Variants in MYH14 observed in about 807,000 individuals in gnomAD.
MYH14 encodes myosin heavy chain 14, also known as myosin-14.
Under a neutral mutation model 255.5 loss-of-function variants are expected in MYH14, and 123 were observed. That is an observed-to-expected ratio of 0.48 (90% CI 0.42 to 0.56). The LOEUF (loss-of-function observed/expected upper bound fraction) is 0.56, where lower values mean the gene tolerates loss of function less well. MYH14 is among the 20% of genes least tolerant of loss of function. The pLI is 0.00. For synonymous variants in MYH14, 1,095 were observed against 1,161.2 expected (o/e 0.94, Z 1.16); for missense variants, 2,423 against 2,802.3 (o/e 0.86, Z 3.06).
chr19:50,269,291 C>T (rs560936212), intron 24 of MYH14, among the ~76,000 whole-genome samples: 5 of 152,298 alleles, frequency 3.3e-5, no homozygotes, highest in Non-Finnish European at 7.4e-5. Flanking sequence ...ATTCTCCTGC[C>T]TCAGCCTCTA....
rs538214333 is a variant in MYH14, at chr19:50,239,742, G to A, written c.1115-4500G>A. ...TTTTTTGTATTTTTAGTAGAGACAA[G>A]GTTTCACTGTGTTAGCCAGGATGGT... On this transcript the variant is annotated intron_variant, in intron 10 of 42. Transcript: ENST00000642316. Among the ~76,000 whole-genome samples the A allele has an allele frequency of 4.9e-4, 74 of 152,206 alleles. 1 individual carries two copies. In the South Asian group the frequency reaches 0.014, roughly 29 times the overall value.
intron 2 of MYH14, among the ~76,000 whole-genome samples, chr19:50,212,229 C>T (rs2032236291): frequency 6.6e-6 from 1 of 152,154 alleles, no homozygotes; most frequent in South Asian, 2.1e-4. Flanking sequence ...GTCGAGCTCT[C>T]TGGGGCTGTG....
chr19:50,217,387 A>G (rs1355390830), intron 2 of MYH14, among the ~76,000 whole-genome samples: 5 of 152,210 alleles, frequency 3.3e-5, no homozygotes, highest in Admixed American at 2.6e-4. Flanking sequence ...GTTCTCTCTC[A>G]GGACAAATCC....
chr19:50,208,443 CAAACAAA>C (rs2031957368), intron 1 of MYH14, among the ~76,000 whole-genome samples: 1 of 148,530 alleles, frequency 6.7e-6, no homozygotes, highest in Non-Finnish European at 1.5e-5. Context: ...AACAAACAAA[CAAACAAA>C]CAAACAAAAA....
intron 16 of MYH14, among the ~76,000 whole-genome samples, chr19:50,254,818 C>T (rs900639634): frequency 8.5e-5 from 13 of 152,180 alleles, no homozygotes; most frequent in Admixed American, 3.3e-4. Flanking sequence ...CAGGGAAAAA[C>T]GGAAATGAGA....
At chr19:50,284,618 C>G (rs1240585179) in intron 33 of MYH14, 1 of 151,640 alleles carries the variant, frequency 6.6e-6, no homozygotes, top group Non-Finnish European at 1.5e-5. Flanking sequence ...TCTCAAACTC[C>G]TGACCTTGTG....
intron 11 of MYH14, among the ~76,000 whole-genome samples, chr19:50,245,451 AAG>A (rs1270082731): frequency 6.7e-6 from 1 of 148,736 alleles, no homozygotes. Flanking sequence ...AAGAAAGAAA[AAG>A]AAGAAGAAAG....
intron 2 of MYH14, 96 bp downstream of exon 2, chr19:50,210,866 G>GT: frequency 6.7e-7 from 1 of 1,499,586 alleles, no homozygotes; most frequent in Non-Finnish European, 8.9e-7. Flanking sequence ...ACTTGAGGCT[G>GT]TTTATCATCT....
intron 6 of MYH14, among the ~76,000 whole-genome samples, chr19:50,224,408 TC>T (rs1329453936): frequency 3.9e-5 from 6 of 152,142 alleles, no homozygotes; most frequent in Admixed American, 3.3e-4. Context: ...TTACTGCTGA[TC>T]TACTAAATGT....
chr19:50,210,737 C>T lies in MYH14; in HGVS notation c.372C>T (p.Asn124=), dbSNP rs1293133314. 18 of 1,580,250 alleles carry T rather than the reference C, an allele frequency of 1.1e-5. No homozygotes were observed. The highest frequency in any genetic ancestry group is 1.5e-5 in the Non-Finnish European group (18 of 1,164,036). Residue 124 remains asparagine (N), a synonymous_variant, in exon 2 of 43, where the codon AAC becomes AAT. Transcript: ENST00000642316. Reference sequence around the variant, plus strand: ...TCAACGAGGCCTCGGTCCTGCACAACCTCCGGGAGCGGTACTACTCCGGCC... The same window carrying T: ...TCAACGAGGCCTCGGTCCTGCACAATCTCCGGGAGCGGTACTACTCCGGCC... The part of the protein sequence containing the change: ...TCLNEASVLH[N]LRERYYSGLI...
At chr19:50,296,896 G>C (rs2123465709) in intron 39 of MYH14, among the ~76,000 whole-genome samples, 1 of 152,254 alleles carries the variant, frequency 6.6e-6, no homozygotes, top group Non-Finnish European at 1.5e-5. Flanking sequence ...ATATTAATTA[G>C]TTGCTGTGTT....
intron 3 of MYH14, among the ~76,000 whole-genome samples, chr19:50,220,391 AT>A (rs2032757537): frequency 6.8e-6 from 1 of 147,774 alleles, no homozygotes; most frequent in African/African-American, 2.5e-5. Context: ...CTTCATTTTT[AT>A]TTTATTATAC....
intron 39 of MYH14, among the ~76,000 whole-genome samples, chr19:50,298,172 G>A (rs1399657007): frequency 6.6e-6 from 1 of 152,148 alleles, no homozygotes; most frequent in Non-Finnish European, 1.5e-5. Flanking sequence ...TCTAAACCCA[G>A]CGAGGCCTGT....
intron 20 of MYH14, 106 bp downstream of exon 20, chr19:50,260,821 A>G (rs1350799972): frequency 2.6e-5 from 20 of 765,134 alleles, no homozygotes; most frequent in Middle Eastern, 2.3e-4. Context: ...GTGTGTGTGC[A>G]AGTGTGTGTG....
In MYH14 at chr19:50,250,951, A is replaced by G. The variant is rs1219510607; in HGVS notation, c.1830+263A>G. Among the ~76,000 whole-genome samples, 1 of 152,122 alleles carries G rather than the reference A, an allele frequency of 6.6e-6. No individual in the cohort carries two copies. The highest frequency in any genetic ancestry group is 1.5e-5 in the Non-Finnish European group (1 of 68,010). ...GAGGCGATCTATGTGCATTTTATCCACTTATTCAGCAGATATGTGCGGGGT... is the reference window on the plus strand; with the variant it reads ...GAGGCGATCTATGTGCATTTTATCCGCTTATTCAGCAGATATGTGCGGGGT... On this transcript the variant is annotated intron_variant, in intron 15 of 42. Coordinates refer to ENST00000642316, the MANE Select transcript of MYH14 (RefSeq NM_001145809.2). This position sits in a 1 kb window ranked among gnomAD's most constrained non-coding sequence, Gnocchi z 5.4.
chr19:50,302,974 T>C (rs2036543738), intron 40 of MYH14, among the ~76,000 whole-genome samples: 1 of 152,210 alleles, frequency 6.6e-6, no homozygotes, highest in Non-Finnish European at 1.5e-5. Context: ...ATTTAAATGA[T>C]TGCTGATTTT....
At chr19:50,209,799 A>G (rs998289131) in intron 1 of MYH14, among the ~76,000 whole-genome samples, 115 of 146,726 alleles carry the variant, frequency 7.8e-4, no homozygotes, top group Non-Finnish European at 1.3e-3. Flanking sequence ...AAAAAAAAAA[A>G]GAAAATAATT....
intron 23 of MYH14, 142 bp downstream of exon 23, chr19:50,267,150 T>C (rs2035116946): frequency 3.6e-6 from 3 of 835,842 alleles, no homozygotes; most frequent in Admixed American, 5.1e-5. Context: ...GGAGCAAAGC[T>C]AAGGTGTACT....
At chr19:50,207,271 C>CAGAGAGAGAGGGAG (rs2031836927) in intron 1 of MYH14, among the ~76,000 whole-genome samples, 1 of 76,804 alleles carries the variant, frequency 1.3e-5, no homozygotes, top group East Asian at 4.0e-4. Flanking sequence ...GAGAGAGAGA[C>CAGAGAGAGAGGGAG]AGAGAGAGAG....
Sources: allele counts gnomAD v4.1 joint callset (sites outside exome capture counted in the v4.1 genomes callset), GRCh38; gene constraint gnomAD v4.1.1; non-coding constraint Gnocchi (gnomAD v3.1); transcripts MANE v1.5; gene names NCBI Gene and HGNC (gene_info 2026-07-23, HGNC 2026-07-21).